EPHA6: variants seen among roughly 807,000 people sequenced by gnomAD.
The protein encoded by EPHA6 is EPH receptor A6.
Under a neutral mutation model 112.0 loss-of-function variants are expected in EPHA6, and 50 were observed. The ratio of observed to expected loss-of-function variants is 0.45; its 90% CI spans 0.36 to 0.56. EPHA6 has a LOEUF of 0.56. Ranked by LOEUF, EPHA6 falls within the 20% of genes least tolerant of loss-of-function variation. The probability of loss-of-function intolerance (pLI) is 0.00; values close to 1 mark genes in which losing one functional copy is unlikely to be tolerated. For missense variants in EPHA6, 1,280 were observed against 1,417.4 expected (o/e 0.90, Z 1.56); for synonymous variants, 529 against 490.7 (o/e 1.08, Z -1.03).
intron 3 of EPHA6, among the ~76,000 whole-genome samples, chr3:97,082,586 A>G (rs1193774264): frequency 6.6e-6 from 1 of 151,948 alleles, no homozygotes; most frequent in African/African-American, 2.4e-5. Flanking sequence ...TTCATTTAAG[A>G]AACTTTTAAT....
intron 15 of EPHA6, among the ~76,000 whole-genome samples, chr3:97,726,915 C>G (rs1379421021): frequency 6.6e-6 from 1 of 152,044 alleles, no homozygotes. Flanking sequence ...AGTAGCGACA[C>G]TTAAATGAGA....
intron 5 of EPHA6, among the ~76,000 whole-genome samples, chr3:97,376,562 G>T (rs1156864818): frequency 6.6e-6 from 1 of 152,188 alleles, no homozygotes; most frequent in Non-Finnish European, 1.5e-5. Flanking sequence ...TCTTACTGTT[G>T]ACTTCTTTTT....
At chr3:97,282,365 G>A (rs914982746) in intron 5 of EPHA6, among the ~76,000 whole-genome samples, 1 of 152,124 alleles carries the variant, frequency 6.6e-6, no homozygotes, top group Non-Finnish European at 1.5e-5. Context: ...TGGAGAAATA[G>A]GAATGCTTTT....
At position 96,814,770 on chromosome 3, in the gene EPHA6, C is replaced by A; in HGVS notation, c.147C>A (p.Pro49=). Residue 49 remains proline, a synonymous_variant, in exon 1 of 18, where the codon CCC becomes CCA. Transcript: ENST00000389672. ...GTSRRGRPGT[P]PAGRVEEEEE... is the part of the protein sequence containing the mutation. Reference sequence around the variant, plus strand: ...CGCGCAGGGGGCGCCCCGGGACACCCCCTGCGGGCCGGGTGGAGGAGGAAG... The same window carrying A: ...CGCGCAGGGGGCGCCCCGGGACACCACCTGCGGGCCGGGTGGAGGAGGAAG... The A allele has an allele frequency of 3.7e-6, 6 of 1,602,690 alleles. No homozygotes were observed. Among genetic ancestry groups the A allele is most frequent in the Non-Finnish European group, 5.1e-6 (6 of 1,173,618 alleles).
chr3:97,270,750 T>C (rs143737485), intron 5 of EPHA6, among the ~76,000 whole-genome samples: 43 of 152,238 alleles, frequency 2.8e-4, no homozygotes, highest in Non-Finnish European at 5.6e-4. Context: ...ATCTTCATGA[T>C]ATCCTCCAGC....
At chr3:97,572,407 C>T (rs894218495) in intron 11 of EPHA6, among the ~76,000 whole-genome samples, 3 of 152,138 alleles carry the variant, frequency 2.0e-5, no homozygotes, top group Non-Finnish European at 2.9e-5. Context: ...GCCTCAGCCT[C>T]CCAAAGTGCT....
intron 5 of EPHA6, among the ~76,000 whole-genome samples, chr3:97,256,465 T>C (rs2079317646): frequency 6.6e-6 from 1 of 152,026 alleles, no homozygotes. Context: ...CATTGTTGCC[T>C]ATTGATTCAA....
chr3:96,856,548 A>G (rs570130319), intron 1 of EPHA6, among the ~76,000 whole-genome samples: 1 of 152,290 alleles, frequency 6.6e-6, no homozygotes, highest in African/African-American at 2.4e-5. Context: ...TATGGGAACT[A>G]TAACATATTT....
intron 3 of EPHA6, among the ~76,000 whole-genome samples, chr3:97,105,842 T>C (rs2047551496): frequency 6.6e-6 from 1 of 152,188 alleles, no homozygotes; most frequent in Admixed American, 6.6e-5. Context: ...GCTTCTGTGT[T>C]GGTGCATATG....
At chr3:97,643,066 AAGCCCATCCGACTAAC>A (rs1161629975) in intron 14 of EPHA6, among the ~76,000 whole-genome samples, 5 of 152,202 alleles carry the variant, frequency 3.3e-5, no homozygotes, top group East Asian at 3.9e-4. Context: ...CCTCAAAGGG[AAGCCCATCCGACTAAC>A]AGTGGATCTC....
At chr3:97,335,904 G>A (rs539335056) in intron 5 of EPHA6, among the ~76,000 whole-genome samples, 1 of 152,134 alleles carries the variant, frequency 6.6e-6, no homozygotes, top group East Asian at 1.9e-4. Flanking sequence ...ATCATAGAGT[G>A]TTGAAGCTGT....
intron 2 of EPHA6, among the ~76,000 whole-genome samples, chr3:96,930,520 C>A (rs1343834652): frequency 6.6e-6 from 1 of 152,172 alleles, no homozygotes; most frequent in African/African-American, 2.4e-5. Context: ...CCAGTACCTG[C>A]AGGTATCATA....
chr3:97,481,535 G>T, intron 9 of EPHA6: 1 of 836,662 alleles, frequency 1.2e-6, no homozygotes, highest in Admixed American at 1.8e-5. Context: ...GCAGGCCCGG[G>T]GGTCCCTAGA....
intron 1 of EPHA6, among the ~76,000 whole-genome samples, chr3:96,817,400 TA>T (rs2032884191): frequency 6.6e-6 from 1 of 151,924 alleles, no homozygotes; most frequent in South Asian, 2.1e-4. Context: ...ATAAAGCATC[TA>T]TTTTTAAACA....
chr3:97,158,657 G>A (rs2076343819), intron 3 of EPHA6, among the ~76,000 whole-genome samples: 1 of 152,142 alleles, frequency 6.6e-6, no homozygotes, highest in African/African-American at 2.4e-5. Context: ...AGTCATTTAT[G>A]TCTTTGTCTG....
intron 10 of EPHA6, among the ~76,000 whole-genome samples, chr3:97,491,715 G>T (rs9876939): frequency 0.018 from 2,743 of 151,158 alleles, 103 homozygotes; most frequent in African/African-American, 0.063. Context: ...TTGTCATAGA[G>T]ACCCAGTCAT....
rs745907900 is a variant in EPHA6, at chr3:96,866,855, G to C, written c.416G>C (p.Gly139Ala). Residue 139 changes from glycine (G) to alanine (A), a missense_variant, in exon 2 of 18, where the codon GGA becomes GCA. Around this residue, in one of 4 missense-constraint regions of EPHA6, gnomAD observed 878 missense variants for 999.7 expected, o/e 0.88. Transcript: ENST00000389672. ...TTGCTTGATACAACAACTGTACTGG[G>C]AGAGCTAGGATGGAAAACATATCCA... ...VVLLDTTTVLGELGWKTYPLN... is the reference protein window; with the variant it reads ...VVLLDTTTVLAELGWKTYPLN... 2 of 1,490,350 alleles carry C rather than the reference G, an allele frequency of 1.3e-6. No homozygotes were observed. The highest frequency in any genetic ancestry group is 1.4e-5 in the South Asian group (1 of 72,700). The allele number at this position is 1,490,350 out of a possible 1,614,324, so 92.3% of individuals were successfully genotyped here. A position where few individuals can be genotyped will look rare whatever the true frequency, so the allele number is the denominator to read the frequency against.
intron 6 of EPHA6, among the ~76,000 whole-genome samples, chr3:97,423,776 A>G (rs2088872021): frequency 6.6e-6 from 1 of 152,212 alleles, no homozygotes; most frequent in Non-Finnish European, 1.5e-5. Flanking sequence ...GGCTACAATA[A>G]CCAAAACAGC....
At chr3:97,605,866 A>G (rs1159699546) in intron 12 of EPHA6, among the ~76,000 whole-genome samples, 7 of 151,488 alleles carry the variant, frequency 4.6e-5, no homozygotes, top group Non-Finnish European at 8.9e-5. Flanking sequence ...AGTCCTTCCA[A>G]TTTGTGAGCT....
Sources: allele counts gnomAD v4.1 joint callset (sites outside exome capture counted in the v4.1 genomes callset), GRCh38; gene constraint gnomAD v4.1.1; regional missense constraint gnomAD v4.1.1; transcripts MANE v1.5; gene names NCBI Gene and HGNC (gene_info 2026-07-23, HGNC 2026-07-21).